Variants in OVOL3 observed in about 807,000 individuals in gnomAD.
OVOL3 encodes ovo like zinc finger 3.
Under a neutral mutation model 13.6 loss-of-function variants are expected in OVOL3, and 15 were observed. That is an observed-to-expected ratio of 1.11 (90% CI 0.74 to 1.70). The LOEUF (loss-of-function observed/expected upper bound fraction) is 1.70, where lower values mean the gene tolerates loss of function less well. Among genes scored for constraint, OVOL3 ranks in the 40% most tolerant of loss-of-function variants. The pLI is 0.00. For missense variants in OVOL3, 290 were observed against 280.6 expected, an observed-to-expected ratio of 1.03 and a Z score of -0.24; for synonymous variants, 102 against 108.5, an observed-to-expected ratio of 0.94 and a Z score of 0.37.
At chr19:36,111,498 G>C in intron 2 of OVOL3, 65 bp downstream of exon 2, 1 of 1,493,282 alleles carries the variant, frequency 6.7e-7, no homozygotes, top group Non-Finnish European at 9.0e-7. Flanking sequence ...CCTTAATGAA[G>C]CTGACAGCCC....
In OVOL3 at chr19:36,112,771, G is replaced by C. The variant is rs570983419; in HGVS notation, c.171G>C (p.Gln57His). The change falls in exon 3 of 4, where the codon CAG (glutamine) becomes CAC (histidine). Residue 57 changes from glutamine (Q) to histidine (H), a missense_variant. Physicochemically the swap from Gln to His is conservative, Grantham distance 24. Coordinates refer to ENST00000633214, the MANE Select transcript of OVOL3 (RefSeq NM_001302757.2). ...VRDPWTAQPTQGNLTSAPRGP... is the reference protein window; with the variant it reads ...VRDPWTAQPTHGNLTSAPRGP... Reference sequence around the variant, plus strand: ...CTGCATCCCTCCAGCAGCCCACACAGGGCAACCTGACCTCTGCTCCCAGGG... The same window carrying C: ...CTGCATCCCTCCAGCAGCCCACACACGGCAACCTGACCTCTGCTCCCAGGG... The C allele has an allele frequency of 3.2e-4, 497 of 1,534,156 alleles. 1 individual carries two copies. The Middle Eastern group carries it at 6.9e-3, about 21-fold the overall frequency.
At chr19:36,112,680 T>G in intron 2 of OVOL3, 80 bp from the exon 3 acceptor site, 2 of 1,321,466 alleles carry the variant, frequency 1.5e-6, no homozygotes, top group Non-Finnish European at 2.1e-6. Context: ...CTCAGGACAC[T>G]CTGTAAATAC....
chr19:36,112,253 C>T (rs1213007029), intron 2 of OVOL3, among the ~76,000 whole-genome samples: 1 of 150,432 alleles, frequency 6.6e-6, no homozygotes, highest in African/African-American at 2.4e-5. Context: ...GGCATAGTGG[C>T]TCATGCCTGT....
Position 36,111,207 on chromosome 19 carries a change from C to T in OVOL3, c.5C>T (p.Pro2Leu). The T allele has an allele frequency of 6.5e-7, 1 of 1,533,626 alleles. No homozygotes were observed. The highest frequency in any genetic ancestry group is 1.2e-5 in the South Asian group (1 of 83,842). ...GTGGAGAGCCTTCCGGAGGGCATGC[C>T]CCGCGCCTTCCTGGTCAGGAGTCGG... M[P>L]RAFLVRSRRP... Residue 2 changes from proline to leucine, a missense_variant, in exon 1 of 4, where the codon CCC becomes CTC. Physicochemically the swap from Pro to Leu is moderately conservative, Grantham distance 98 (BLOSUM62 -3). Coordinates refer to ENST00000633214, the MANE Select transcript of OVOL3 (RefSeq NM_001302757.2).
In OVOL3 at chr19:36,111,406, G is replaced by A. The variant is rs751744919; in HGVS notation, c.132G>A (p.Ser44=). The A allele has an allele frequency of 7.3e-5, 112 of 1,535,878 alleles. No individual in the cohort carries two copies. The highest frequency in any genetic ancestry group is 1.2e-4 in the South Asian group (10 of 84,054). Residue 44 remains serine, a synonymous_variant, in exon 2 of 4, where the codon TCG becomes TCA. Transcript: ENST00000633214. ...TGGGGGGGCCACCGGCACAACAGTC[G>A]TCCAGTGTCAGGGATCCGTGGACAG... ...SSLGGPPAQQ[S]SSVRDPWTAQ...
intron 2 of OVOL3, chr19:36,111,695 G>T: frequency 3.1e-6 from 2 of 641,172 alleles, no homozygotes; most frequent in South Asian, 3.0e-5. Flanking sequence ...CCCCACATGT[G>T]GATGATCCGC....
chr19:36,112,601 G>A (rs1428492092), intron 2 of OVOL3, among the ~76,000 whole-genome samples, 159 bp from the exon 3 acceptor site: 1 of 152,168 alleles, frequency 6.6e-6, no homozygotes, highest in African/African-American at 2.4e-5. Context: ...GTGAGGGAAG[G>A]CCCTGGAGAG....
chr19:36,111,952 G>T, intron 2 of OVOL3: 1 of 432,316 alleles, frequency 2.3e-6, no homozygotes. Context: ...TGTAATTCCA[G>T]CACTTTGGGA....
rs1973882158 is a variant in OVOL3, at chr19:36,113,629, G to C, written c.541G>C (p.Ala181Pro). 1 of 1,545,924 alleles carries C rather than the reference G, an allele frequency of 6.5e-7. No homozygotes were observed. The highest frequency in any genetic ancestry group is 2.0e-5 in the Admixed American group (1 of 50,980). Reference sequence around the variant, plus strand: ...CACCAGCTCCCGGCCCGACACCTACGCACAGCACCGCGCCCTGCACCGCGC... The same window carrying C: ...CACCAGCTCCCGGCCCGACACCTACCCACAGCACCGCGCCCTGCACCGCGC... The part of the protein sequence containing the change: ...GFTSSRPDTY[A>P]QHRALHRAA Residue 181 changes from alanine (A) to proline (P), a missense_variant, in exon 4 of 4, where the codon GCA becomes CCA. Ala to Pro is a conservative substitution (Grantham distance 27). Transcript: ENST00000633214.
intron 2 of OVOL3, among the ~76,000 whole-genome samples, chr19:36,112,513 C>CTA (rs1200884615): frequency 1.5e-5 from 2 of 129,520 alleles, no homozygotes; most frequent in Non-Finnish European, 3.5e-5. Context: ...GAGCAAGACT[C>CTA]TGTCTTTAAA....
intron 2 of OVOL3, chr19:36,111,666 A>G: frequency 1.5e-6 from 1 of 674,116 alleles, no homozygotes; most frequent in Non-Finnish European, 2.7e-6. Context: ...GATCTCTTCC[A>G]GCGGGGCACA....
chr19:36,111,657 A>G, intron 2 of OVOL3: 1 of 681,870 alleles, frequency 1.5e-6, no homozygotes, highest in Non-Finnish European at 2.7e-6. Flanking sequence ...AGCCACAGGG[A>G]TCTCTTCCAG....
chr19:36,113,579 T>C lies in OVOL3; in HGVS notation c.491T>C (p.Leu164Pro). 1 of 1,538,718 alleles carries C rather than the reference T, an allele frequency of 6.5e-7. No homozygotes were observed. Among genetic ancestry groups the C allele is most frequent in the Middle Eastern group, 1.7e-4 (1 of 5,990 alleles). Residue 164 changes from leucine to proline, a missense_variant, in exon 4 of 4, where the codon CTG (leucine) becomes CCG (proline). Transcript: ENST00000633214. ...SYAYRERREK[L>P]HVCEDCGFTS... Reference sequence around the variant, plus strand: ...GCTTACCGTGAGCGCCGCGAGAAGCTGCACGTGTGCGAGGACTGCGGCTTC... The same window carrying C: ...GCTTACCGTGAGCGCCGCGAGAAGCCGCACGTGTGCGAGGACTGCGGCTTC...
chr19:36,111,190 C>G lies in OVOL3; in HGVS notation c.-13C>G. On this transcript the variant is annotated 5_prime_UTR_variant, in exon 1 of 4. Transcript: ENST00000633214. ...GGAAGCAGCCCCTGTGTGTGGAGAG[C>G]CTTCCGGAGGGCATGCCCCGCGCCT... 1 of 1,525,910 alleles carries G rather than the reference C, an allele frequency of 6.6e-7. No homozygotes were observed. Among genetic ancestry groups the G allele is most frequent in the Non-Finnish European group, 8.8e-7 (1 of 1,140,782 alleles). 94.5% of individuals were successfully genotyped at this position (1,525,910 alleles called of 1,614,324 possible).
chr19:36,112,700 G>A, intron 2 of OVOL3, 60 bp from the exon 3 acceptor site: 4 of 1,423,952 alleles, frequency 2.8e-6, no homozygotes, highest in Non-Finnish European at 3.8e-6. Flanking sequence ...CTCATTTGCA[G>A]AGTAACAAAG....
rs545753055 is a variant in OVOL3, at chr19:36,112,818, C to A, written c.218C>A (p.Pro73Gln). 3 of 1,535,476 alleles carry A rather than the reference C, an allele frequency of 2.0e-6. No individual in the cohort carries two copies. Among genetic ancestry groups the A allele is most frequent in the Non-Finnish European group, 2.6e-6 (3 of 1,146,840 alleles). ...APRGPGTLGC[P>Q]LCPKAFPLQR... ...AGGGGCCCTGGGACGCTGGGCTGCC[C>A]GCTCTGCCCTAAGGCCTTCCCTCTG... Residue 73 changes from proline to glutamine, a missense_variant, in exon 3 of 4, where the codon CCG becomes CAG. Physicochemically the swap from Pro to Gln is moderately conservative, Grantham distance 76 (BLOSUM62 -1). Coordinates refer to ENST00000633214, the MANE Select transcript of OVOL3 (RefSeq NM_001302757.2).
intron 2 of OVOL3, 75 bp downstream of exon 2, chr19:36,111,508 C>T (rs1201543340): frequency 4.2e-6 from 6 of 1,440,322 alleles, no homozygotes; most frequent in Non-Finnish European, 5.7e-6. Flanking sequence ...GCTGACAGCC[C>T]CTTGCTCCCC....
rs1232720838 is a variant in OVOL3 at position 36,111,443 on chromosome 19, T to C, written c.159+10T>C. On this transcript the variant is annotated intron_variant, in intron 2 of 3. Coordinates refer to ENST00000633214, the MANE Select transcript of OVOL3 (RefSeq NM_001302757.2). Reference sequence around the variant, plus strand: ...GGATCCGTGGACAGCGGTGAGTGTGTAACTGGCTAGCAAAGCCAGCTGTTT... The same window carrying C: ...GGATCCGTGGACAGCGGTGAGTGTGCAACTGGCTAGCAAAGCCAGCTGTTT... The C allele has an allele frequency of 6.5e-7, 1 of 1,535,690 alleles. No homozygotes were observed. The highest frequency in any genetic ancestry group is 8.7e-7 in the Non-Finnish European group (1 of 1,146,640).
chr19:36,111,915 A>G (rs1973830054), intron 2 of OVOL3: 2 of 447,894 alleles, frequency 4.5e-6, no homozygotes, highest in East Asian at 1.4e-4. Context: ...TTGGGGCTGC[A>G]TGTATAGACA....
Sources: allele counts gnomAD v4.1 joint callset (sites outside exome capture counted in the v4.1 genomes callset), GRCh38; gene constraint gnomAD v4.1.1; transcripts MANE v1.5; gene names NCBI Gene and HGNC (gene_info 2026-07-23, HGNC 2026-07-21).